ADAMTSL5: variants seen among roughly 807,000 people sequenced by gnomAD.
ADAMTSL5 encodes the protein ADAMTS-like protein 5.
Under a neutral mutation model 51.7 loss-of-function variants are expected in ADAMTSL5, and 53 were observed. That is an observed-to-expected ratio of 1.03 (90% CI 0.82 to 1.29). The LOEUF (loss-of-function observed/expected upper bound fraction) is 1.29, where lower values mean the gene tolerates loss of function less well. Among genes scored for constraint, ADAMTSL5 ranks in the 50% most tolerant of loss-of-function variants. The pLI, the probability that ADAMTSL5 is intolerant of heterozygous loss-of-function variation, is 0.00. For missense variants in ADAMTSL5, 770 were observed against 676.2 expected (o/e 1.14, Z -1.54); for synonymous variants, 285 against 278.7 (o/e 1.02, Z -0.23).
chr19:1,507,724 C>A, intron 7 of ADAMTSL5, 81 bp from the exon 8 acceptor site: 1 of 1,388,482 alleles, frequency 7.2e-7, no homozygotes, highest in Non-Finnish European at 1.0e-6. Context: ...TGAGCTACTG[C>A]GGGTAAGACA....
At position 1,505,958 on chromosome 19, in the gene ADAMTSL5, T is replaced by C. The variant is rs1912894218; in HGVS notation, c.*57A>G. ...GGGTGAGAGGGGAAATACGTTGACGTTGAGGCTGGTCAGATGTATCTTTCT... is the reference window on the plus strand; with the variant it reads ...GGGTGAGAGGGGAAATACGTTGACGCTGAGGCTGGTCAGATGTATCTTTCT... On this transcript the variant is annotated 3_prime_UTR_variant, in exon 12 of 12. Coordinates refer to ENST00000330475, the MANE Select transcript of ADAMTSL5 (RefSeq NM_213604.3). The C allele has an allele frequency of 4.8e-6, 7 of 1,454,462 alleles. No homozygotes were observed. Among genetic ancestry groups the C allele is most frequent in the Admixed American group, 2.6e-5 (1 of 38,842 alleles). 90.1% of individuals were successfully genotyped at this position (1,454,462 alleles called of 1,614,324 possible). A position where few individuals can be genotyped will look rare whatever the true frequency, so the allele number is the denominator to read the frequency against.
At chr19:1,512,672 T>C (rs1913322928) in intron 1 of ADAMTSL5, among the ~76,000 whole-genome samples, 1 of 151,232 alleles carries the variant, frequency 6.6e-6, no homozygotes, top group South Asian at 2.1e-4. Context: ...ATAGTGAGAC[T>C]CAGTCTCAAA....
chr19:1,506,087 G>T lies in ADAMTSL5; in HGVS notation c.1344C>A (p.Ala448=). 6.2e-7 allele frequency: 1 copy of T among 1,602,006 alleles called. No homozygotes were observed. ...CAGGGCTCCAGGGCCGGGCGTAGCC[G>T]GCGTGGGGCAGCAGCAGCTGGTCCT... is the stretch of plus-strand genomic sequence containing the variant. ...GTQDQLLLPH[A]GYARPWSPAE... The change falls in exon 12 of 12, where the codon GCC becomes GCA. Residue 448 remains alanine (A), a synonymous_variant. Coordinates refer to ENST00000330475, the MANE Select transcript of ADAMTSL5 (RefSeq NM_213604.3). The surrounding 1 kb of genome is among the most constrained non-coding windows in gnomAD (Gnocchi z 5.6).
intron 1 of ADAMTSL5, chr19:1,511,501 T>TA: frequency 8.6e-7 from 1 of 1,167,902 alleles, no homozygotes; most frequent in Non-Finnish European, 1.1e-6. Context: ...TGTATTGTGC[T>TA]ATAATGCAGA....
Position 1,508,024 on chromosome 19 carries a change from A to G in ADAMTSL5, c.575T>C (p.Phe192Ser), listed in dbSNP as rs1169130173. ...RCGGANDSCL[F>S]VQRVFRDAGA... ...GGCGTCACGAAACACGCGCTGCACG[A>G]AAAGGCACGAGTCGTTGGCGCCTCC... Residue 192 changes from phenylalanine (F) to serine (S), a missense_variant, in exon 7 of 12, where the codon TTC (phenylalanine) becomes TCC (serine). Coordinates refer to ENST00000330475, the MANE Select transcript of ADAMTSL5 (RefSeq NM_213604.3). 1 of 1,605,780 alleles carries G rather than the reference A, an allele frequency of 6.2e-7. No homozygotes were observed. Among genetic ancestry groups the G allele is most frequent in the Admixed American group, 1.7e-5 (1 of 59,014 alleles).
rs536615218 is a variant in ADAMTSL5, at chr19:1,506,996, C to T, written c.853-68G>A. ...GGGTTGCCTCCTGCCTCTGACCCTA[C>T]GACCCCAGCCTCCCCACTTTGATCC... On this transcript the variant is annotated intron_variant, in intron 9 of 11. Transcript: ENST00000330475. The surrounding 1 kb of genome is among the most constrained non-coding windows in gnomAD (Gnocchi z 5.6). 123 of 1,453,052 alleles carry T rather than the reference C, an allele frequency of 8.5e-5. No homozygotes were observed. The highest frequency in any genetic ancestry group is 2.3e-4 in the Admixed American group (9 of 38,966). The allele number at this position is 1,453,052 out of a possible 1,614,324, so 90.0% of individuals were successfully genotyped here. A position where few individuals can be genotyped will look rare whatever the true frequency, so the allele number is the denominator to read the frequency against.
In ADAMTSL5 at chr19:1,506,916, C is replaced by CCT. The variant is rs1211882009; in HGVS notation, c.863_864dup (p.Glu289ArgfsTer32). ...TCAAACTCGATGCCAGGGTTGGGCT[C>CCT]CTGCAGGAGGACCTGGAGCAGGGGA... On this transcript the variant is annotated frameshift_variant, in exon 10 of 12. Coordinates refer to ENST00000330475, the MANE Select transcript of ADAMTSL5 (RefSeq NM_213604.3). LOFTEE classifies it high-confidence loss of function. This position sits in a 1 kb window ranked among gnomAD's most constrained non-coding sequence, Gnocchi z 5.6. 2.4e-5 allele frequency: 37 copies of CCT among 1,548,054 alleles called. No individual in the cohort carries two copies. The highest frequency in any genetic ancestry group is 3.2e-5 in the Non-Finnish European group (37 of 1,145,884).
At chr19:1,508,798 T>C in intron 5 of ADAMTSL5, 2 of 487,196 alleles carry the variant, frequency 4.1e-6, no homozygotes, top group South Asian at 3.7e-5. Context: ...CATTCATTCA[T>C]TCATTCATTG....
At chr19:1,509,226 G>C (rs1274118641) in intron 5 of ADAMTSL5, among the ~76,000 whole-genome samples, 1 of 120,984 alleles carries the variant, frequency 8.3e-6, no homozygotes, top group Non-Finnish European at 1.6e-5. Flanking sequence ...CTGCACTCCA[G>C]CCTGGGTGAC....
chr19:1,507,993 G>A lies in ADAMTSL5; in HGVS notation c.601+5C>T, dbSNP rs1215370826. 2 of 1,586,194 alleles carry A rather than the reference G, an allele frequency of 1.3e-6. No homozygotes were observed. Among genetic ancestry groups the A allele is most frequent in the Non-Finnish European group, 1.7e-6 (2 of 1,166,846 alleles). ...GTGTGCAGGGAGGGCGGGGCAGGTA[G>A]TCACCGGCGTCACGAAACACGCGCT... On this transcript the variant is annotated splice_donor_5th_base_variant and intron_variant, in intron 7 of 11. Transcript: ENST00000330475.
chr19:1,508,079 C>A lies in ADAMTSL5; in HGVS notation c.520G>T (p.Gly174Cys), dbSNP rs1346168628. The A allele has an allele frequency of 6.2e-6, 10 of 1,610,412 alleles. No homozygotes were observed. Among genetic ancestry groups the A allele is most frequent in the Non-Finnish European group, 8.5e-6 (10 of 1,179,048 alleles). Residue 174 changes from glycine (G) to cysteine (C), a missense_variant, in exon 7 of 12, where the codon GGT becomes TGT. Gly to Cys is a radical substitution (Grantham distance 159). Coordinates refer to ENST00000330475, the MANE Select transcript of ADAMTSL5 (RefSeq NM_213604.3). ...CGGCCACAGCGGTCCTCGAGGGCAC[C>A]CGAGCCCAACAACCCATCACAGCCG... ...SAGCDGLLGS[G>C]ALEDRCGRCG... is the part of the protein sequence containing the mutation.
intron 7 of ADAMTSL5, 38 bp downstream of exon 7, chr19:1,507,960 T>A: frequency 1.3e-6 from 2 of 1,548,376 alleles, no homozygotes; most frequent in Middle Eastern, 1.7e-4. Context: ...AAGGGCCCAC[T>A]CTGACGTGTG....
At chr19:1,507,170 A>ACCCTCTGTCCCCAGCCTCTC in intron 9 of ADAMTSL5, 72 bp downstream of exon 9, 3 of 1,459,350 alleles carry the variant, frequency 2.1e-6, no homozygotes, top group East Asian at 2.4e-5. Flanking sequence ...CTCCACTCCT[A>ACCCTCTGTCCCCAGCCTCTC]CCCTCTGTCC....
rs375602724 is a variant in ADAMTSL5 at position 1,509,989 on chromosome 19, C to T, written c.361+161G>A. ...CCTGCTTCCCTCTGCCCCTGTTTCA[C>T]GCCTAACATATGCTGTTTCTGTTTC... On this transcript the variant is annotated intron_variant, in intron 5 of 11. Coordinates refer to ENST00000330475, the MANE Select transcript of ADAMTSL5 (RefSeq NM_213604.3). Among the ~76,000 whole-genome samples the T allele has an allele frequency of 2.8e-4, 43 of 152,290 alleles. No individual in the cohort carries two copies. In the South Asian group the frequency reaches 8.1e-3, roughly 29 times the overall value.
Position 1,510,723 on chromosome 19 carries a change from C to T in ADAMTSL5, c.107G>A (p.Gly36Asp). ...CCAGGACACCCACGGGGTCCACTCGCCCGGACCCTACTTGGGGAGACAGAG... is the reference window on the plus strand; with the variant it reads ...CCAGGACACCCACGGGGTCCACTCGTCCGGACCCTACTTGGGGAGACAGAG... ...CGLGVSAQGP[G>D]EWTPWVSWTR... The change falls in exon 3 of 12, where the codon GGC becomes GAC. Residue 36 changes from glycine to aspartate, a missense_variant. Coordinates refer to ENST00000330475, the MANE Select transcript of ADAMTSL5 (RefSeq NM_213604.3). 6.5e-7 allele frequency: 1 copy of T among 1,537,764 alleles called. No homozygotes were observed. The highest frequency in any genetic ancestry group is 1.4e-5 in the African/African-American group (1 of 72,082).
rs779464515 is a variant in ADAMTSL5 at position 1,506,153 on chromosome 19, G to A, written c.1278C>T (p.Tyr426=). 1.2e-6 allele frequency: 2 copies of A among 1,609,100 alleles called. No homozygotes were observed. Among genetic ancestry groups the A allele is most frequent in the Middle Eastern group, 1.7e-4 (1 of 6,040 alleles). The part of the protein sequence containing the change: ...PCPMLAPHRD[Y]LMAVQRLVSP... ...TGACAAGACGCTGGACAGCCATCAG[G>A]TAGTCCCGGTGGGGTGCCAGCATCG... Residue 426 remains tyrosine, a synonymous_variant, in exon 12 of 12, where the codon TAC becomes TAT. Transcript: ENST00000330475. This position sits in a 1 kb window ranked among gnomAD's most constrained non-coding sequence, Gnocchi z 5.6.
Position 1,505,747 on chromosome 19 carries a change from C to T in ADAMTSL5, c.*268G>A. On this transcript the variant is annotated 3_prime_UTR_variant, in exon 12 of 12. Coordinates refer to ENST00000330475, the MANE Select transcript of ADAMTSL5 (RefSeq NM_213604.3). Reference sequence around the variant, plus strand: ...CGTTAAACTTTCTGAGTATAAATAGCTATGAGCTTCCTGGCAGCCAAGGAG... The same window carrying T: ...CGTTAAACTTTCTGAGTATAAATAGTTATGAGCTTCCTGGCAGCCAAGGAG... The T allele has an allele frequency of 2.3e-6, 1 of 433,498 alleles. No homozygotes were observed. Among genetic ancestry groups the T allele is most frequent in the Non-Finnish European group, 4.1e-6 (1 of 244,886 alleles). The allele number at this position is 433,498 out of a possible 1,614,324, so 26.9% of individuals were successfully genotyped here. A position where few individuals can be genotyped will look rare whatever the true frequency, so the allele number is the denominator to read the frequency against.
chr19:1,512,470 CAGA>C (rs1179136949), intron 1 of ADAMTSL5, among the ~76,000 whole-genome samples: 5 of 152,134 alleles, frequency 3.3e-5, no homozygotes, highest in African/African-American at 1.2e-4. Context: ...CACCTGAGGT[CAGA>C]AGTTTGGGAC....
At position 1,508,411 on chromosome 19, in the gene ADAMTSL5, C is replaced by T. The variant is rs750398654; in HGVS notation, c.489+32G>A. 9.4e-6 allele frequency: 7 copies of T among 742,076 alleles called. 1 individual carries two copies. In the African/African-American group the frequency reaches 1.5e-4, roughly 16 times the overall value. The allele number at this position is 742,076 out of a possible 1,614,324, so 46.0% of individuals were successfully genotyped here. A position where few individuals can be genotyped will look rare whatever the true frequency, so the allele number is the denominator to read the frequency against. On this transcript the variant is annotated intron_variant, in intron 6 of 11. Transcript: ENST00000330475. ...GGGTGGGGCCTGAGTGGGAGGTGGG[C>T]GGGGCTCGGGCGGGGCCTGACGAGT... is the stretch of plus-strand genomic sequence containing the variant.
Sources: gnomAD v4.1 joint callset for allele counts (sites outside exome capture counted in the v4.1 genomes callset) on GRCh38, gnomAD v4.1.1 for gene constraint, Gnocchi (gnomAD v3.1) non-coding constraint, MANE v1.5 for transcripts, NCBI Gene and HGNC (gene_info 2026-07-23, HGNC 2026-07-21) for gene names.